Variants in PTK2 observed in about 807,000 individuals in gnomAD.
The protein encoded by PTK2 is focal adhesion kinase 1.
Under a neutral mutation model 150.1 loss-of-function variants are expected in PTK2, and 45 were observed. The observed-to-expected ratio is 0.30, with a 90% CI of 0.24 to 0.38. PTK2 has a LOEUF of 0.38. Among genes scored for constraint, PTK2 ranks in the 10% least tolerant of loss-of-function variants. PTK2 has a pLI of 1.00. For synonymous variants in PTK2, 432 were observed against 449.2 expected, an observed-to-expected ratio of 0.96 and a Z score of 0.48; for missense variants, 919 against 1,307.3, an observed-to-expected ratio of 0.70 and a Z score of 4.58.
At position 140,697,806 on chromosome 8, in the gene PTK2, T is replaced by C. The variant is rs149231944; in HGVS notation, c.2499+3085A>G. 8.0e-4 allele frequency among the ~76,000 whole-genome samples: 122 copies of C among 151,806 alleles called. 2 individuals are homozygous for C. The highest frequency in any genetic ancestry group is 3.4e-3 in the Middle Eastern group (1 of 294). The stretch of plus-strand genomic sequence containing the variant: ...GAGATTAGACATTTTAGATAATATA[T>C]TGTAGGAATTCTGGGTACTTGATCC... On this transcript the variant is annotated intron_variant, in intron 26 of 31. Coordinates refer to ENST00000522684, the Ensembl canonical transcript of PTK2.
intron 1 of PTK2, among the ~76,000 whole-genome samples, chr8:140,928,096 G>T (rs543206376): frequency 1.3e-5 from 2 of 149,460 alleles, no homozygotes. Flanking sequence ...CTTTCCAAAC[G>T]GAGCTACATA....
chr8:140,702,671 T>C (rs1365497745), exon 25 of PTK2: 2 of 1,614,052 alleles, frequency 1.2e-6, no homozygotes, highest in Admixed American at 1.7e-5. Flanking sequence ...CTGCCAGCCA[T>C]GGCTGTGATT....
At position 140,848,084 on chromosome 8, in the gene PTK2, A is replaced by G. The variant is rs553520937; in HGVS notation, c.451-1406T>C. Among the ~76,000 whole-genome samples, 6 of 152,358 alleles carry G rather than the reference A, an allele frequency of 3.9e-5. No individual in the cohort carries two copies. In the South Asian group the frequency reaches 1.2e-3, roughly 32 times the overall value. On this transcript the variant is annotated intron_variant, in intron 5 of 31. Transcript: ENST00000522684. ...ATAGTATAAACTCCACTTTCAACTC[A>G]TGAAGACAAATCTCAAATGGCCAGT... is the stretch of plus-strand genomic sequence containing the variant.
chr8:140,674,044 G>T, intron 29 of PTK2: 1 of 614,118 alleles, frequency 1.6e-6, no homozygotes. Context: ...TAGAAAATCA[G>T]AATCTGACTG....
At chr8:140,760,165 T>G (rs1204955867) in intron 16 of PTK2, among the ~76,000 whole-genome samples, 2 of 151,856 alleles carry the variant, frequency 1.3e-5, no homozygotes, top group Non-Finnish European at 2.9e-5. Flanking sequence ...GAGGTTGCAG[T>G]GAGCTGAGAA....
chr8:140,855,855 T>A (rs901209835), intron 5 of PTK2, among the ~76,000 whole-genome samples: 3 of 152,118 alleles, frequency 2.0e-5, no homozygotes, highest in African/African-American at 7.2e-5. Flanking sequence ...ATGGTGGGGA[T>A]GGTTGTGCAA....
intron 2 of PTK2, among the ~76,000 whole-genome samples, chr8:140,914,282 T>TA (rs200796635): frequency 6.6e-4 from 100 of 152,006 alleles, no homozygotes; most frequent in African/African-American, 1.3e-3. Flanking sequence ...TGAAAACTGT[T>TA]AAAAAAAATA....
At chr8:140,835,359 A>T (rs934095833) in intron 7 of PTK2, among the ~76,000 whole-genome samples, 1 of 152,184 alleles carries the variant, frequency 6.6e-6, no homozygotes, top group Non-Finnish European at 1.5e-5. Flanking sequence ...TAATCCCTCA[A>T]ATACTTAAAA....
At chr8:140,873,338 C>T (rs1435524721) in intron 4 of PTK2, among the ~76,000 whole-genome samples, 3 of 152,340 alleles carry the variant, frequency 2.0e-5, no homozygotes, top group Middle Eastern at 6.8e-3. Flanking sequence ...ACTAAGGTAT[C>T]GATTTGCATT....
intron 15 of PTK2, 45 bp downstream of exon 18, chr8:140,762,323 T>C: frequency 1.8e-6 from 2 of 1,104,142 alleles, no homozygotes; most frequent in South Asian, 3.8e-5. Context: ...ACTCCACAGG[T>C]TGCAATTGCA....
intron 27 of PTK2, 27 bp downstream of exon 30, chr8:140,686,605 C>A (rs1037530100): frequency 6.3e-7 from 1 of 1,596,206 alleles, no homozygotes; most frequent in African/African-American, 1.3e-5. Flanking sequence ...AACTGGAAAT[C>A]AAATCCTGCT....
rs116331661 is a variant in PTK2 at position 140,830,829 on chromosome 8, G to A, written c.594-303C>T. Reference sequence around the variant, plus strand: ...AAATATTCCCTCTTTGTAAATTATAGTGTATTAAAAACTGTCCTTTTTCAG... The same window carrying A: ...AAATATTCCCTCTTTGTAAATTATAATGTATTAAAAACTGTCCTTTTTCAG... On this transcript the variant is annotated intron_variant, in intron 7 of 31. Coordinates refer to ENST00000522684, the Ensembl canonical transcript of PTK2. 4.5e-3 allele frequency among the ~76,000 whole-genome samples: 690 copies of A among 152,038 alleles called. 4 individuals are homozygous for A. Among genetic ancestry groups the A allele is most frequent in the African/African-American group, 0.016 (653 of 41,474 alleles).
At chr8:140,886,535 A>G (rs2100152377) in intron 3 of PTK2, among the ~76,000 whole-genome samples, 1 of 152,218 alleles carries the variant, frequency 6.6e-6, no homozygotes. Context: ...GGTACAAGAC[A>G]GCATACAAGG....
rs1243564157 is a variant in PTK2, at chr8:140,885,746, A to G, written c.195+4797T>C. On this transcript the variant is annotated intron_variant, in intron 3 of 31. Transcript: ENST00000522684. ...GCAAATCACTGATTCGGTGATTAGT[A>G]TGTTAGAGAAACAGGAAGCAGAAAG... Among the ~76,000 whole-genome samples the G allele has an allele frequency of 2.6e-5, 4 of 152,260 alleles. No homozygotes were observed. The South Asian group carries it at 6.2e-4, about 24-fold the overall frequency.
At chr8:140,712,618 G>GT (rs2100037445) in intron 23 of PTK2, among the ~76,000 whole-genome samples, 1 of 152,164 alleles carries the variant, frequency 6.6e-6, no homozygotes, top group Non-Finnish European at 1.5e-5. Context: ...TTCTACTCAT[G>GT]TGTGATTTTT....
intron 7 of PTK2, among the ~76,000 whole-genome samples, chr8:140,841,104 T>C (rs898221064): frequency 6.6e-6 from 1 of 152,084 alleles, no homozygotes; most frequent in South Asian, 2.1e-4. Flanking sequence ...TAGGAAGAAA[T>C]TGGCAAAGTC....
intron 7 of PTK2, among the ~76,000 whole-genome samples, chr8:140,840,928 GCTAAC>G (rs2100121964): frequency 6.6e-6 from 1 of 152,068 alleles, no homozygotes; most frequent in South Asian, 2.1e-4. Flanking sequence ...CCAGGTCAAG[GCTAAC>G]CTAAAGAAAG....
At chr8:140,692,488 G>C (rs900369494) in intron 26 of PTK2, among the ~76,000 whole-genome samples, 2 of 152,194 alleles carry the variant, frequency 1.3e-5, no homozygotes, top group African/African-American at 2.4e-5. Flanking sequence ...ATGGTGGCAG[G>C]CACCTGCAGT....
chr8:140,765,749 G>A (rs144044001), intron 14 of PTK2, among the ~76,000 whole-genome samples: 83 of 152,254 alleles, frequency 5.5e-4, no homozygotes, highest in African/African-American at 1.9e-3. Context: ...CTCTGCTTCT[G>A]TGTAAGATGG....
Sources: gnomAD v4.1 joint callset for allele counts (sites outside exome capture counted in the v4.1 genomes callset) on GRCh38, gnomAD v4.1.1 for gene constraint, MANE v1.5 for transcripts, NCBI Gene and HGNC (gene_info 2026-07-23, HGNC 2026-07-21) for gene names.